Variants in SEC14L3 observed in about 807,000 individuals in gnomAD.
SEC14L3 encodes the protein SEC14-like protein 3.
SEC14L3 carries 56 observed loss-of-function variants against 57.4 expected under a neutral mutation model. The ratio of observed to expected loss-of-function variants is 0.97; its 90% CI spans 0.79 to 1.22. The LOEUF is 1.22. Ranked by LOEUF, SEC14L3 falls within the 50% of genes most tolerant of loss-of-function variation. SEC14L3 has a pLI of 0.00. For synonymous variants in SEC14L3, 173 were observed against 194.4 expected (o/e 0.89, Z 0.92); for missense variants, 485 against 511.7 (o/e 0.95, Z 0.50).
intron 9 of SEC14L3, 129 bp downstream of exon 9, chr22:30,461,957 T>A: frequency 1.8e-6 from 2 of 1,091,724 alleles, no homozygotes; most frequent in Non-Finnish European, 2.7e-6. Context: ...AGGGCGAGGG[T>A]TGTATTGACT....
chr22:30,469,324 A>C (rs1255457645), intron 4 of SEC14L3, among the ~76,000 whole-genome samples: 1 of 152,082 alleles, frequency 6.6e-6, no homozygotes, highest in African/African-American at 2.4e-5. Flanking sequence ...AAAAAAAAAA[A>C]AAGCAGATAC....
rs754467859 is a variant in SEC14L3 at position 30,461,481 on chromosome 22, T to C, written c.912-2A>G. On this transcript the variant is annotated splice_acceptor_variant, in intron 10 of 11. Coordinates refer to ENST00000215812, the MANE Select transcript of SEC14L3 (RefSeq NM_174975.5). LOFTEE classifies it high-confidence loss of function. ...GCACCATCAGATGAGAACTGCCACC[T>C]GTCAGGGGGAGGGGGAGGAGACAGG... is the stretch of plus-strand genomic sequence containing the variant. 2.2e-5 allele frequency: 36 copies of C among 1,613,202 alleles called. No individual in the cohort carries two copies. The highest frequency in any genetic ancestry group is 6.7e-5 in the Admixed American group (4 of 59,948).
intron 12 of SEC14L3, chr22:30,449,304 A>T: frequency 1.3e-6 from 2 of 1,543,828 alleles, no homozygotes; most frequent in Non-Finnish European, 1.8e-6. Context: ...AAAATCCTGA[A>T]CTCCAGAGGG....
chr22:30,467,905 G>A (rs1444496599), intron 5 of SEC14L3, among the ~76,000 whole-genome samples: 1 of 152,162 alleles, frequency 6.6e-6, no homozygotes, highest in Non-Finnish European at 1.5e-5. Flanking sequence ...ATAGGTGAAG[G>A]AGCTGAGGCT....
intron 8 of SEC14L3, 113 bp from the exon 9 acceptor site, chr22:30,462,305 C>T: frequency 6.9e-7 from 1 of 1,444,754 alleles, no homozygotes; most frequent in Non-Finnish European, 9.2e-7. Context: ...AGGTAGGCTG[C>T]CAGGACCAAT....
rs1469525811 is a variant in SEC14L3 at position 30,461,552 on chromosome 22, T to A, written c.911+3A>T. On this transcript the variant is annotated splice_donor_region_variant and intron_variant, in intron 10 of 11. Coordinates refer to ENST00000215812, the MANE Select transcript of SEC14L3 (RefSeq NM_174975.5). ...TCTCTGAGGGGTTAGGGCCTGCCCC[T>A]ACCTGAGAACGCAGCCTGGAAATAG... The A allele has an allele frequency of 6.2e-7, 1 of 1,613,912 alleles. No homozygotes were observed. Among genetic ancestry groups the A allele is most frequent in the Admixed American group, 1.7e-5 (1 of 59,932 alleles).
intron 8 of SEC14L3, among the ~76,000 whole-genome samples, chr22:30,462,638 G>A (rs1158500793): frequency 1.3e-5 from 2 of 152,026 alleles, no homozygotes; most frequent in Non-Finnish European, 2.9e-5. Context: ...GCCCAGGCTA[G>A]TCTCAAACTC....
intron 9 of SEC14L3, 55 bp from the exon 10 acceptor site, chr22:30,461,749 T>C (rs1935274670): frequency 6.4e-7 from 1 of 1,567,086 alleles, no homozygotes; most frequent in African/African-American, 1.4e-5. Context: ...TTGTTCATGT[T>C]TCTTCTGCCT....
intron 4 of SEC14L3, 144 bp from the exon 5 acceptor site, chr22:30,468,840 G>C: frequency 6.4e-7 from 1 of 1,562,232 alleles, no homozygotes; most frequent in South Asian, 1.2e-5. Flanking sequence ...ATTGTCTCAG[G>C]TGAGAAAGCT....
At chr22:30,454,037 C>T (rs1013279495) in intron 12 of SEC14L3, among the ~76,000 whole-genome samples, 2 of 152,124 alleles carry the variant, frequency 1.3e-5, no homozygotes, top group Admixed American at 6.6e-5. Context: ...CTCAGCCATA[C>T]CCTTGCTTCC....
rs368972980 is a variant in SEC14L3, at chr22:30,450,201, C to T, written c.905-957G>A. ...GGTAGCGGGGGCATGGAGTCCAGGA[C>T]GAGCCCTCTCACCCAGCTCTTCCAC... On this transcript the variant is annotated intron_variant, in intron 12 of 12. Transcript: ENST00000403066. Among the ~76,000 whole-genome samples the T allele has an allele frequency of 2.7e-3, 405 of 152,242 alleles. 4 individuals carry two copies. Among genetic ancestry groups the T allele is most frequent in the African/African-American group, 9.3e-3 (388 of 41,556 alleles).
At chr22:30,464,134 T>C (rs1483529596) in intron 8 of SEC14L3, among the ~76,000 whole-genome samples, 3 of 152,220 alleles carry the variant, frequency 2.0e-5, no homozygotes, top group Admixed American at 6.5e-5. Flanking sequence ...ATTATTTATT[T>C]ATCCAGTCCT....
At chr22:30,463,538 AC>A (rs1935331183) in intron 8 of SEC14L3, among the ~76,000 whole-genome samples, 1 of 152,152 alleles carries the variant, frequency 6.6e-6, no homozygotes, top group Non-Finnish European at 1.5e-5. Context: ...ATGAGCCTGG[AC>A]CCTTCAAACC....
chr22:30,454,887 ATTATATAATAG>A (rs1935073091), downstream of SEC14L3, among the ~76,000 whole-genome samples: 6 of 21,288 alleles, frequency 2.8e-4, no homozygotes, highest in East Asian at 2.9e-3. Context: ...ATTATTATAT[ATTATATAATAG>A]ATATATAATA....
At chr22:30,454,581 ATAATAT>A (rs1238359828), downstream of SEC14L3, among the ~76,000 whole-genome samples, 23 of 101,472 alleles carry the variant, frequency 2.3e-4, no homozygotes, top group East Asian at 2.8e-4. Flanking sequence ...ATAATCTATA[ATAATAT>A]TATTATATAT....
downstream of SEC14L3, among the ~76,000 whole-genome samples, chr22:30,457,738 T>C (rs1935144756): frequency 6.6e-6 from 1 of 151,820 alleles, no homozygotes; most frequent in Admixed American, 6.6e-5. Flanking sequence ...TCTCTTCTCT[T>C]CCTTCCTTTT....
chr22:30,461,797 T>C, intron 9 of SEC14L3, 103 bp from the exon 10 acceptor site: 2 of 1,469,228 alleles, frequency 1.4e-6, no homozygotes, highest in Non-Finnish European at 1.8e-6. Context: ...ATCCTCTTCA[T>C]CCTAGCCCCA....
chr22:30,459,717 T>C lies in SEC14L3; in HGVS notation c.*304A>G. 1 of 1,066,028 alleles carries C rather than the reference T, an allele frequency of 9.4e-7. No homozygotes were observed. The highest frequency in any genetic ancestry group is 3.8e-5 in the South Asian group (1 of 25,988). The allele number at this position is 1,066,028 out of a possible 1,614,324, so 66.0% of individuals were successfully genotyped here. A position where few individuals can be genotyped will look rare whatever the true frequency, so the allele number is the denominator to read the frequency against. ...GGAATTCAAGCATACACACCTGCCT[T>C]AGGGTAGGTGAGGACAAAGGCTAGG... is the stretch of plus-strand genomic sequence containing the variant. On this transcript the variant is annotated 3_prime_UTR_variant, in exon 12 of 12. Coordinates refer to ENST00000215812, the MANE Select transcript of SEC14L3 (RefSeq NM_174975.5).
intron 12 of SEC14L3, among the ~76,000 whole-genome samples, chr22:30,452,746 C>T (rs1168522256): frequency 2.7e-5 from 4 of 145,968 alleles, no homozygotes; most frequent in Non-Finnish European, 6.0e-5. Context: ...CAGGTTCTCA[C>T]TCTGTCACCC....
Sources: allele counts gnomAD v4.1 joint callset (sites outside exome capture counted in the v4.1 genomes callset), GRCh38; gene constraint gnomAD v4.1.1; transcripts MANE v1.5; gene names NCBI Gene and HGNC (gene_info 2026-07-23, HGNC 2026-07-21).